Variants in MVB12B observed in about 807,000 individuals in gnomAD.
MVB12B encodes the protein multivesicular body subunit 12B.
MVB12B carries 16 observed loss-of-function variants against 41.6 expected under a neutral mutation model. The ratio of observed to expected loss-of-function variants is 0.38; its 90% CI spans 0.26 to 0.58. The LOEUF is 0.58. MVB12B is among the 20% of genes least tolerant of loss of function. The pLI is 0.62. For synonymous variants in MVB12B, 133 were observed against 139.7 expected (o/e 0.95, Z 0.34); for missense variants, 274 against 380.2 (o/e 0.72, Z 2.32).
At chr9:126,489,370 G>A (rs1208289503) in intron 9 of MVB12B, among the ~76,000 whole-genome samples, 1 of 149,446 alleles carries the variant, frequency 6.7e-6, no homozygotes, top group African/African-American at 2.4e-5. Flanking sequence ...GGCAGTCAGG[G>A]CACCTGGCAG....
intron 2 of MVB12B, among the ~76,000 whole-genome samples, chr9:126,348,647 A>G (rs1040227395): frequency 1.3e-5 from 2 of 152,228 alleles, no homozygotes; most frequent in Non-Finnish European, 2.9e-5. Context: ...CTAATTCCCT[A>G]TTTAAAAAGC....
At chr9:126,370,487 T>C (rs1020122884) in intron 2 of MVB12B, among the ~76,000 whole-genome samples, 3 of 151,588 alleles carry the variant, frequency 2.0e-5, no homozygotes, top group African/African-American at 7.3e-5. Flanking sequence ...GTTCAAGTGA[T>C]TCTCCTGCCT....
chr9:126,496,876 C>T (rs1588214423), intron 9 of MVB12B, among the ~76,000 whole-genome samples: 1 of 152,090 alleles, frequency 6.6e-6, no homozygotes, highest in African/African-American at 2.4e-5. Context: ...GCTCTCCAGG[C>T]CCCTGTCCCC....
chr9:126,357,026 C>A (rs866188431), intron 2 of MVB12B, among the ~76,000 whole-genome samples: 2 of 152,160 alleles, frequency 1.3e-5, no homozygotes, highest in Admixed American at 1.3e-4. Flanking sequence ...TGGCCTAATA[C>A]AAGCCATCAC....
chr9:126,418,964 G>A (rs1323813047), intron 6 of MVB12B, among the ~76,000 whole-genome samples: 1 of 152,044 alleles, frequency 6.6e-6, no homozygotes, highest in Non-Finnish European at 1.5e-5. Context: ...TGCCTGTCCT[G>A]CCACCACTGA....
At chr9:126,417,198 G>C (rs1036387484) in intron 6 of MVB12B, among the ~76,000 whole-genome samples, 6 of 152,196 alleles carry the variant, frequency 3.9e-5, no homozygotes, top group African/African-American at 1.4e-4. Context: ...TCTGACTGCT[G>C]TCCCTTACCC....
chr9:126,379,083 A>G (rs1351501050), intron 2 of MVB12B, among the ~76,000 whole-genome samples: 1 of 152,244 alleles, frequency 6.6e-6, no homozygotes, highest in Non-Finnish European at 1.5e-5. Context: ...GTGGTTCCAC[A>G]GCCTTGGAGC....
Position 126,376,678 on chromosome 9 carries a change from G to C in MVB12B, c.205-4386G>C, listed in dbSNP as rs1020011168. 6 of 1,281,654 alleles carry C rather than the reference G, an allele frequency of 4.7e-6. No homozygotes were observed. Among genetic ancestry groups the C allele is most frequent in the Non-Finnish European group, 6.1e-6 (6 of 983,072 alleles). 79.4% of individuals were successfully genotyped at this position (1,281,654 alleles called of 1,614,324 possible). A position where few individuals can be genotyped will look rare whatever the true frequency, so the allele number is the denominator to read the frequency against. Reference sequence around the variant, plus strand: ...CCTGCCATTGCCATTCAGTGTGTACGCTTGGTTACTCAATTACCCTCGTTT... The same window carrying C: ...CCTGCCATTGCCATTCAGTGTGTACCCTTGGTTACTCAATTACCCTCGTTT... On this transcript the variant is annotated intron_variant, in intron 2 of 9. Coordinates refer to ENST00000361171, the MANE Select transcript of MVB12B (RefSeq NM_033446.3). This position sits in a 1 kb window ranked among gnomAD's most constrained non-coding sequence, Gnocchi z 4.1.
rs2417019 is a variant in MVB12B, at chr9:126,459,727, C to T, written c.758-21642C>T. Among the ~76,000 whole-genome samples, 134,268 of 152,126 alleles carry T rather than the reference C, an allele frequency of 0.88. 59,361 individuals carry two copies. Among genetic ancestry groups the T allele is most frequent in the East Asian group, 1 (5,145 of 5,146 alleles). Reference sequence around the variant, plus strand: ...GGCAGCTTGGAGTGCGCAGTTGTTACAGCGCTCACAGGGGCCGCGCTCACC... The same window carrying T: ...GGCAGCTTGGAGTGCGCAGTTGTTATAGCGCTCACAGGGGCCGCGCTCACC... On this transcript the variant is annotated intron_variant, in intron 7 of 9. Transcript: ENST00000361171. The surrounding 1 kb of genome is among the most constrained non-coding windows in gnomAD (Gnocchi z 4.3).
In MVB12B at chr9:126,369,639, CGTGGGTTTTTTTTTGTTT is replaced by C. The variant is rs1206729228; in HGVS notation, c.205-11422_205-11405del. Among the ~76,000 whole-genome samples the C allele has an allele frequency of 8.5e-5, 13 of 152,074 alleles. No homozygotes were observed. In the East Asian group the frequency reaches 1.3e-3, roughly 16 times the overall value. On this transcript the variant is annotated intron_variant, in intron 2 of 9. Transcript: ENST00000361171. ...ACGTCACACTTATATGTATTTTTCACGTGGGTTTTTTTTTGTTTGTTTTTTTGTTTTTTGGCAGATTTT... is the reference window on the plus strand; with the variant it reads ...ACGTCACACTTATATGTATTTTTCACGTTTTTTTGTTTTTTGGCAGATTTT...
intron 2 of MVB12B, among the ~76,000 whole-genome samples, chr9:126,373,417 C>G (rs1361360478): frequency 1.3e-5 from 2 of 152,278 alleles, no homozygotes; most frequent in Non-Finnish European, 2.9e-5. Flanking sequence ...TGTGTTTCCA[C>G]TGCTGATGAT....
rs114426738 is a variant in MVB12B at position 126,394,972 on chromosome 9, C to T, written c.540-603C>T. On this transcript the variant is annotated intron_variant, in intron 5 of 9. Coordinates refer to ENST00000361171, the MANE Select transcript of MVB12B (RefSeq NM_033446.3). ...GTAGGGGGCGGGGCTGTGGTGACTG[C>T]GAGGGAGGTCACAGGAGAGCTTATG... 6.1e-3 allele frequency among the ~76,000 whole-genome samples: 929 copies of T among 152,088 alleles called. 14 individuals are homozygous for T. The highest frequency in any genetic ancestry group is 0.021 in the African/African-American group (874 of 41,490).
At chr9:126,394,362 A>AT (rs892757663) in intron 5 of MVB12B, among the ~76,000 whole-genome samples, 1 of 152,234 alleles carries the variant, frequency 6.6e-6, no homozygotes, top group Non-Finnish European at 1.5e-5. Flanking sequence ...ATTTTAAGGA[A>AT]TAGATATGTA....
intron 1 of MVB12B, among the ~76,000 whole-genome samples, chr9:126,334,893 A>G (rs2118797142): frequency 6.6e-6 from 1 of 152,322 alleles, no homozygotes; most frequent in South Asian, 2.1e-4. Flanking sequence ...TGGAAAGTGA[A>G]TCCTGGAACC....
chr9:126,420,561 CTTTTTTTTTTTTTTTTTTTTT>C (rs567217742), intron 6 of MVB12B, among the ~76,000 whole-genome samples: 9 of 98,870 alleles, frequency 9.1e-5, no homozygotes, highest in Non-Finnish European at 1.1e-4. Flanking sequence ...TCCCAGGAGT[CTTTTTTTTTTTTTTTTTTTTT>C]TTTTTTTTTT....
chr9:126,421,507 G>A (rs774973293), intron 6 of MVB12B, among the ~76,000 whole-genome samples: 12 of 152,190 alleles, frequency 7.9e-5, no homozygotes, highest in African/African-American at 1.7e-4. Context: ...GGGTTGTTAC[G>A]GTCTTGCTGG....
chr9:126,330,592 T>C (rs1829102787), intron 1 of MVB12B, among the ~76,000 whole-genome samples: 1 of 152,192 alleles, frequency 6.6e-6, no homozygotes, highest in Non-Finnish European at 1.5e-5. Context: ...CAGTTCTTGA[T>C]GCTTTCTAAA....
intron 9 of MVB12B, among the ~76,000 whole-genome samples, chr9:126,499,943 C>T (rs1833918961): frequency 6.6e-6 from 1 of 151,950 alleles, no homozygotes; most frequent in Non-Finnish European, 1.5e-5. Context: ...TGTCCCCACT[C>T]CTGGCCACAG....
chr9:126,384,834 ATT>A (rs11299290), intron 3 of MVB12B, among the ~76,000 whole-genome samples: 37,596 of 111,390 alleles, frequency 0.34, 5,291 homozygotes, highest in South Asian at 0.42. Flanking sequence ...TGCCTGGCAG[ATT>A]TTTTTTTTTT....
Sources: gnomAD v4.1 joint callset for allele counts (sites outside exome capture counted in the v4.1 genomes callset) on GRCh38, gnomAD v4.1.1 for gene constraint, Gnocchi (gnomAD v3.1) non-coding constraint, MANE v1.5 for transcripts, NCBI Gene and HGNC (gene_info 2026-07-23, HGNC 2026-07-21) for gene names.